SLC38A10: variants seen among roughly 807,000 people sequenced by gnomAD.
SLC38A10 encodes the protein Sodium-coupled neutral amino acid transporter 10.
A neutral mutation model predicts 81.0 loss-of-function variants in SLC38A10; 53 were observed. The observed-to-expected ratio is 0.65, with a 90% CI of 0.53 to 0.82. The LOEUF (loss-of-function observed/expected upper bound fraction) is 0.82. Among genes scored for constraint, SLC38A10 ranks in the 40% least tolerant of loss-of-function variants. The pLI is 0.00. For synonymous variants in SLC38A10, 665 were observed against 655.3 expected, an observed-to-expected ratio of 1.01 and a Z score of -0.23; for missense variants, 1,471 against 1,545.0, an observed-to-expected ratio of 0.95 and a Z score of 0.80.
rs1019474017 is a variant in SLC38A10, at chr17:81,281,895, A to C, written c.501+294T>G. Among the ~76,000 whole-genome samples the C allele has an allele frequency of 2.0e-5, 3 of 152,220 alleles. No homozygotes were observed. Among genetic ancestry groups the C allele is most frequent in the Admixed American group, 1.3e-4 (2 of 15,286 alleles). On this transcript the variant is annotated intron_variant, in intron 5 of 15. Coordinates refer to ENST00000374759, the MANE Select transcript of SLC38A10 (RefSeq NM_001037984.3). The surrounding 1 kb of genome is among the most constrained non-coding windows in gnomAD (Gnocchi z 5.3). ...CTTTGCATAAAGCAAGTGGACTTGGAGTTTCCTTCACCTTGCCTGGACGAC... is the reference window on the plus strand; with the variant it reads ...CTTTGCATAAAGCAAGTGGACTTGGCGTTTCCTTCACCTTGCCTGGACGAC...
rs1314000342 is a variant in SLC38A10 at position 81,271,149 on chromosome 17, C to T, written c.1025-125G>A. The stretch of plus-strand genomic sequence containing the variant: ...GAAGGAAATGCCGTCTAGGCGTGAG[C>T]CGGGAGCAGAGACGCCCTCTGTGCC... On this transcript the variant is annotated intron_variant, in intron 9 of 15. Transcript: ENST00000374759. The T allele has an allele frequency of 1.2e-5, 9 of 779,566 alleles. No individual in the cohort carries two copies. In the East Asian group the frequency reaches 2.4e-4, roughly 21 times the overall value. 48.3% of individuals were successfully genotyped at this position (779,566 alleles called of 1,614,324 possible).
chr17:81,249,021 C>T (rs955356792), intron 14 of SLC38A10, among the ~76,000 whole-genome samples: 10 of 152,256 alleles, frequency 6.6e-5, no homozygotes, highest in Middle Eastern at 3.4e-3. Flanking sequence ...CTGGGTGCTG[C>T]GGGGCTCAAC....
At position 81,244,817 on chromosome 17, in the gene SLC38A10, T is replaced by TA. The variant is rs2062834103; in HGVS notation, c.*738dup. On this transcript the variant is annotated 3_prime_UTR_variant, in exon 16 of 16. Transcript: ENST00000374759. ...CCAGGACCAACTTCACTAATCAGGT[T>TA]ATCAGTGGTGTTTTTTACTTTTTAA... is the stretch of plus-strand genomic sequence containing the variant. Among the ~76,000 whole-genome samples, 1 of 152,184 alleles carries TA rather than the reference T, an allele frequency of 6.6e-6. No individual in the cohort carries two copies. The highest frequency in any genetic ancestry group is 2.4e-5 in the African/African-American group (1 of 41,454).
chr17:81,245,624 C>G lies in SLC38A10; in HGVS notation c.3292G>C (p.Gly1098Arg). 1 of 1,612,320 alleles carries G rather than the reference C, an allele frequency of 6.2e-7. No homozygotes were observed. The highest frequency in any genetic ancestry group is 8.5e-7 in the Non-Finnish European group (1 of 1,179,774). Residue 1098 changes from glycine (G) to arginine (R), a missense_variant, in exon 16 of 16, where the codon GGG becomes CGG. Gly to Arg is a moderately radical substitution (Grantham distance 125). Transcript: ENST00000374759. ...ALDAQLRQAA[G>R]GALQVVHSRQ... ...CTGTGGACCACCTGCAGAGCTCCCC[C>G]CGCAGCCTGGCGGAGCTGGGCATCC...
rs2063292086 is a variant in SLC38A10 at position 81,289,337 on chromosome 17, C to T, written c.217+354G>A. Among the ~76,000 whole-genome samples the T allele has an allele frequency of 6.6e-6, 1 of 151,854 alleles. No individual in the cohort carries two copies. The highest frequency in any genetic ancestry group is 1.5e-5 in the Non-Finnish European group (1 of 67,984). On this transcript the variant is annotated intron_variant, in intron 2 of 15. Transcript: ENST00000374759. The surrounding 1 kb of genome is among the most constrained non-coding windows in gnomAD (Gnocchi z 5.9). Reference sequence around the variant, plus strand: ...GATTACAGGCACGAGCCACCACGCCCGGCAGGTTTTTTTTTTAACTGCATT... The same window carrying T: ...GATTACAGGCACGAGCCACCACGCCTGGCAGGTTTTTTTTTTAACTGCATT...
At position 81,252,616 on chromosome 17, in the gene SLC38A10, T is replaced by A; in HGVS notation, c.1524A>T (p.Val508=). ...GCACCTCTCGGTCTTGGCCTTCATC[T>A]ACCACCACCTTGTCGTGAGGAACAG... ...EPPVPHDKVV[V]DEGQDREVPE... is the part of the protein sequence containing the mutation. Residue 508 remains valine, a synonymous_variant, in exon 13 of 16, where the codon GTA becomes GTT. Coordinates refer to ENST00000374759, the MANE Select transcript of SLC38A10 (RefSeq NM_001037984.3). The A allele has an allele frequency of 6.2e-7, 1 of 1,612,980 alleles. No homozygotes were observed. Among genetic ancestry groups the A allele is most frequent in the African/African-American group, 1.3e-5 (1 of 75,078 alleles).
intron 13 of SLC38A10, 160 bp from the exon 14 acceptor site, chr17:81,251,772 G>A: frequency 1.4e-6 from 1 of 738,974 alleles, no homozygotes; most frequent in Admixed American, 3.7e-5. Flanking sequence ...ATGATTACTA[G>A]CGAAGCAATA....
chr17:81,279,227 G>A (rs940049313), intron 6 of SLC38A10, among the ~76,000 whole-genome samples: 29 of 152,228 alleles, frequency 1.9e-4, no homozygotes, highest in Non-Finnish European at 2.9e-5. Flanking sequence ...GTGCTGCCCG[G>A]CTGCTTCTCT....
intron 10 of SLC38A10, among the ~76,000 whole-genome samples, chr17:81,266,394 C>A (rs2063070342): frequency 6.6e-6 from 1 of 151,988 alleles, no homozygotes. Flanking sequence ...CCGAGGCGGG[C>A]GGATCATGAG....
chr17:81,280,169 C>A (rs929760306), intron 6 of SLC38A10: 4 of 453,418 alleles, frequency 8.8e-6, no homozygotes, highest in Middle Eastern at 3.3e-4. Flanking sequence ...CCCTGCGTGC[C>A]AGAGAGAAAG....
At chr17:81,292,000 A>G (rs1464507954) in intron 1 of SLC38A10, among the ~76,000 whole-genome samples, 2 of 152,220 alleles carry the variant, frequency 1.3e-5, no homozygotes, top group African/African-American at 4.8e-5. Flanking sequence ...TTTGCTCGTC[A>G]TATGAAAATT....
chr17:81,246,639 G>T lies in SLC38A10; in HGVS notation c.2277C>A (p.Pro759=). 6.6e-7 allele frequency: 1 copy of T among 1,512,604 alleles called. No homozygotes were observed. Among genetic ancestry groups the T allele is most frequent in the Non-Finnish European group, 8.8e-7 (1 of 1,133,260 alleles). 93.7% of individuals were successfully genotyped at this position (1,512,604 alleles called of 1,614,324 possible). ...EVHQEPGAAV[P]RGQEAPEGKA... is the part of the protein sequence containing the mutation. ...TGCCTTCAGGGGCCTCCTGGCCTCT[G>T]GGCACCGCTGCCCCGGGCTCTTGAT... Residue 759 remains proline (P), a synonymous_variant, in exon 16 of 16, where the codon CCC becomes CCA. Transcript: ENST00000374759.
At chr17:81,268,325 C>T (rs935033538) in intron 10 of SLC38A10, among the ~76,000 whole-genome samples, 6 of 147,262 alleles carry the variant, frequency 4.1e-5, no homozygotes, top group Non-Finnish European at 7.5e-5. Flanking sequence ...ACCAGGCACA[C>T]TAGAAAACAA....
At chr17:81,267,951 C>G (rs921662084) in intron 10 of SLC38A10, among the ~76,000 whole-genome samples, 5 of 151,588 alleles carry the variant, frequency 3.3e-5, no homozygotes, top group Admixed American at 6.6e-5. Flanking sequence ...CACCGAGAAG[C>G]AAGAATGAGG....
Position 81,246,342 on chromosome 17 carries a change from C to T in SLC38A10, c.2574G>A (p.Val858=). ...VKELPKGPEQ[V]PVPDPAREAG... is the part of the protein sequence containing the mutation. ...CTTCCCTGGCGGGGTCTGGCACGGGCACCTGCTCCGGGCCCTTGGGGAGCT... is the reference window on the plus strand; with the variant it reads ...CTTCCCTGGCGGGGTCTGGCACGGGTACCTGCTCCGGGCCCTTGGGGAGCT... Residue 858 remains valine, a synonymous_variant, in exon 16 of 16, where the codon GTG becomes GTA. Transcript: ENST00000374759. The T allele has an allele frequency of 6.2e-7, 1 of 1,607,520 alleles. No homozygotes were observed. The highest frequency in any genetic ancestry group is 8.5e-7 in the Non-Finnish European group (1 of 1,179,390).
chr17:81,280,365 G>A (rs2063199572), intron 6 of SLC38A10, among the ~76,000 whole-genome samples: 2 of 152,288 alleles, frequency 1.3e-5, no homozygotes, highest in Admixed American at 1.3e-4. Context: ...TGGGGATCTG[G>A]CAAACCAGGG....
intron 11 of SLC38A10, among the ~76,000 whole-genome samples, chr17:81,256,615 G>T (rs1397659602): frequency 6.6e-6 from 1 of 152,250 alleles, no homozygotes; most frequent in East Asian, 1.9e-4. Context: ...TTCAGGAGGA[G>T]GCTCGGGATC....
intron 13 of SLC38A10, 62 bp from the exon 14 acceptor site, chr17:81,251,674 T>G: frequency 5.6e-6 from 8 of 1,423,776 alleles, no homozygotes; most frequent in South Asian, 1.6e-5. Flanking sequence ...TTTGGGGGGT[T>G]GGGGGACAGA....
chr17:81,250,442 G>A (rs2062899946), intron 14 of SLC38A10, among the ~76,000 whole-genome samples: 1 of 152,262 alleles, frequency 6.6e-6, no homozygotes, highest in Admixed American at 6.5e-5. Context: ...CACAGGGCAA[G>A]ATGCGCGGGC....
Sources: allele counts gnomAD v4.1 joint callset (sites outside exome capture counted in the v4.1 genomes callset), GRCh38; gene constraint gnomAD v4.1.1; non-coding constraint Gnocchi (gnomAD v3.1); transcripts MANE v1.5; gene names NCBI Gene and HGNC (gene_info 2026-07-23, HGNC 2026-07-21).